The following HERC2 variants were observed in gnomAD, a reference collection of about 807,000 sequenced individuals.
The protein encoded by HERC2 is HECT and RLD domain containing E3 ubiquitin protein ligase 2.
Under a neutral mutation model 537.7 loss-of-function variants are expected in HERC2, and 102 were observed. The ratio of observed to expected loss-of-function variants is 0.19; its 90% CI spans 0.16 to 0.22. HERC2 has a LOEUF of 0.22. HERC2 is among the 10% of genes least tolerant of loss of function. The pLI is 1.00. For synonymous variants in HERC2, 2,224 were observed against 2,466.2 expected (o/e 0.90, Z 2.91); for missense variants, 4,236 against 6,198.2 (o/e 0.68, Z 10.63).
chr15:28,191,325 T>C (rs1896836089), intron 53 of HERC2, 81 bp from the exon 54 acceptor site: 1 of 848,074 alleles, frequency 1.2e-6, no homozygotes, highest in Non-Finnish European at 1.9e-6. Context: ...TCGTTGAAGC[T>C]TGAATCTACA....
At chr15:28,304,762 A>G (rs1201035741) in intron 2 of HERC2, among the ~76,000 whole-genome samples, 2 of 128,840 alleles carry the variant, frequency 1.6e-5, no homozygotes, top group Non-Finnish European at 3.2e-5. Context: ...CACATTGCGC[A>G]GGTTAATTAC....
At chr15:28,150,265 C>T (rs751562038) in intron 70 of HERC2, among the ~76,000 whole-genome samples, 6 of 151,518 alleles carry the variant, frequency 4.0e-5, no homozygotes, top group Non-Finnish European at 5.9e-5. Flanking sequence ...GAAACACACG[C>T]GGCTTCTAAC....
chr15:28,210,118 T>C (rs1198335924), intron 44 of HERC2, among the ~76,000 whole-genome samples: 1 of 151,508 alleles, frequency 6.6e-6, no homozygotes, highest in Admixed American at 6.6e-5. Context: ...GCCACCACTA[T>C]GCCCCACTAT....
intron 83 of HERC2, among the ~76,000 whole-genome samples, chr15:28,126,844 C>T (rs1595996489): frequency 1.3e-5 from 2 of 151,988 alleles, no homozygotes; most frequent in Admixed American, 6.6e-5. Context: ...ACCACCTGTT[C>T]GCCAAAAACT....
In HERC2 at chr15:28,212,526, C is replaced by G. The variant is rs1272779768; in HGVS notation, c.6844G>C (p.Val2282Leu). The G allele has an allele frequency of 6.3e-7, 1 of 1,576,098 alleles. No individual in the cohort carries two copies. Among genetic ancestry groups the G allele is most frequent in the African/African-American group, 1.3e-5 (1 of 74,106 alleles). ...GCGAGGTTCACCAACTGAGCCCAGA[C>G]AGACAGCATGGGCTCTGTGAAGGGC... ...NLPFTEPMLS[V>L]WAQLVNLAGS... The change falls in exon 43 of 93, where the codon GTC (valine) becomes CTC (leucine). Residue 2282 changes from valine (V) to leucine (L), a missense_variant. By Grantham distance (32) the Val-to-Leu change is conservative. Transcript: ENST00000261609.
chr15:28,246,815 C>G lies in HERC2; in HGVS notation c.3318G>C (p.Val1106=). The change falls in exon 22 of 93, where the codon GTG becomes GTC. Residue 1106 remains valine (V), a synonymous_variant. Transcript: ENST00000261609. The part of the protein sequence containing the change: ...LCTHIGDILP[V]AASIASTSWR... Reference sequence around the variant, plus strand: ...AGCTGGTAGAAGCAATGCTGGCGGCCACAGGCAGTATATCTCCAATGTGCG... The same window carrying G: ...AGCTGGTAGAAGCAATGCTGGCGGCGACAGGCAGTATATCTCCAATGTGCG... The G allele has an allele frequency of 1.2e-6, 2 of 1,610,450 alleles. No homozygotes were observed. The highest frequency in any genetic ancestry group is 2.2e-5 in the South Asian group (2 of 90,138).
chr15:28,207,272 C>A (rs1419009138), intron 44 of HERC2, among the ~76,000 whole-genome samples: 5 of 152,128 alleles, frequency 3.3e-5, no homozygotes, highest in Admixed American at 2.6e-4. Flanking sequence ...GTAGCTGGGA[C>A]TACAGGCACA....
chr15:28,256,299 G>T lies in HERC2; in HGVS notation c.2536C>A (p.His846Asn), dbSNP rs1484014060. 1.9e-6 allele frequency: 3 copies of T among 1,594,962 alleles called. No homozygotes were observed. The Admixed American group carries it at 5.0e-5, about 27-fold the overall frequency. Residue 846 changes from histidine (H) to asparagine (N), a missense_variant, in exon 18 of 93, where the codon CAC (histidine) becomes AAC (asparagine). By Grantham distance (68) the His-to-Asn change is moderately conservative (BLOSUM62 1). Coordinates refer to ENST00000261609, the MANE Select transcript of HERC2 (RefSeq NM_004667.6). ...CCAAGGAATTCCGGGTCAACCTGGT[G>T]ACTAATGGCAGCATGCAACTGAAAG... is the stretch of plus-strand genomic sequence containing the variant. ...LRLQLHAAIS[H>N]QVDPEFLGLG...
chr15:28,321,782 T>C (rs1457065310), intron 1 of HERC2, among the ~76,000 whole-genome samples: 2 of 137,612 alleles, frequency 1.5e-5, no homozygotes, highest in African/African-American at 3.2e-5. Flanking sequence ...TACACACACA[T>C]AACAGGGAGC....
At chr15:28,289,439 C>T (rs2076251895) in intron 4 of HERC2, among the ~76,000 whole-genome samples, 1 of 152,106 alleles carries the variant, frequency 6.6e-6, no homozygotes, top group Non-Finnish European at 1.5e-5. Flanking sequence ...ACCTGCAGAG[C>T]TGAGAGAAAA....
At chr15:28,281,842 T>C (rs754520088) in intron 4 of HERC2, among the ~76,000 whole-genome samples, 4 of 152,070 alleles carry the variant, frequency 2.6e-5, no homozygotes, top group Non-Finnish European at 5.9e-5. Context: ...CTTCAAGGGC[T>C]AAGCCCTTCC....
chr15:28,161,231 G>T (rs1893563032), intron 69 of HERC2, among the ~76,000 whole-genome samples: 1 of 152,060 alleles, frequency 6.6e-6, no homozygotes, highest in Non-Finnish European at 1.5e-5. Context: ...TCAGATAAAG[G>T]AGTATGAACT....
At chr15:28,167,973 A>T in intron 67 of HERC2, 146 bp from the exon 68 acceptor site, 1 of 883,460 alleles carries the variant, frequency 1.1e-6, no homozygotes, top group Non-Finnish European at 1.7e-6. Context: ...CATGGTGCCC[A>T]CCAGACATAG....
rs537581321 is a variant in HERC2, at chr15:28,205,190, G to A, written c.7212+1050C>T. Among the ~76,000 whole-genome samples the A allele has an allele frequency of 2.6e-4, 39 of 151,692 alleles. 1 individual carries two copies. In the South Asian group the frequency reaches 6.9e-3, roughly 27 times the overall value. On this transcript the variant is annotated intron_variant, in intron 45 of 92. Coordinates refer to ENST00000261609, the MANE Select transcript of HERC2 (RefSeq NM_004667.6). ...TCAGAATCCATGGAGACAAAACAGC[G>A]GAAGGTCTCTTTTTGTACAACAGTC...
At chr15:28,114,967 G>A (rs1277681337) in intron 89 of HERC2, among the ~76,000 whole-genome samples, 165 bp from the exon 90 acceptor site, 1 of 152,012 alleles carries the variant, frequency 6.6e-6, no homozygotes, top group Non-Finnish European at 1.5e-5. Context: ...GGAGCAACGA[G>A]AGAGTACTTC....
intron 88 of HERC2, 82 bp from the exon 89 acceptor site, chr15:28,115,623 G>A (rs1888142674): frequency 2.2e-6 from 2 of 926,518 alleles, no homozygotes; most frequent in South Asian, 3.0e-5. Context: ...GCCACTGACA[G>A]CAGCTCCACA....
intron 84 of HERC2, 69 bp downstream of exon 84, chr15:28,124,937 G>A (rs1039029183): frequency 1.0e-5 from 15 of 1,436,778 alleles, no homozygotes; most frequent in East Asian, 9.3e-5. Flanking sequence ...AACACACAAC[G>A]ACAGGATGCA....
At chr15:28,154,973 T>C (rs1395914449) in intron 69 of HERC2, among the ~76,000 whole-genome samples, 1 of 141,394 alleles carries the variant, frequency 7.1e-6, no homozygotes, top group Non-Finnish European at 1.5e-5. Context: ...TGTCCAAGTG[T>C]TCTCATTGTT....
chr15:28,200,338 T>C (rs1897782271), intron 48 of HERC2, among the ~76,000 whole-genome samples: 1 of 151,938 alleles, frequency 6.6e-6, no homozygotes, highest in Admixed American at 6.6e-5. Flanking sequence ...GAGCTTGTAG[T>C]GAGCTGAGAT....
Sources: gnomAD v4.1 joint callset for allele counts (sites outside exome capture counted in the v4.1 genomes callset) on GRCh38, gnomAD v4.1.1 for gene constraint, MANE v1.5 for transcripts, NCBI Gene and HGNC (gene_info 2026-07-23, HGNC 2026-07-21) for gene names.